The following HBS1L variants were observed in gnomAD, a reference collection of about 807,000 sequenced individuals.
HBS1L encodes the protein HBS1 like translational GTPase.
In HBS1L, 55 loss-of-function variants were observed where a neutral mutation model predicts 88.9. The ratio of observed to expected loss-of-function variants is 0.62; its 90% CI spans 0.50 to 0.77. The LOEUF is 0.77. HBS1L is among the 30% of genes least tolerant of loss of function. The pLI, the probability that HBS1L is intolerant of heterozygous loss-of-function variation, is 0.00. For synonymous variants in HBS1L, 267 were observed against 288.5 expected (o/e 0.93, Z 0.76); for missense variants, 741 against 829.3 (o/e 0.89, Z 1.31).
At chr6:134,997,086 T>C (rs1484498986) in intron 6 of HBS1L, 144 bp from the exon 7 acceptor site, 1 of 701,458 alleles carries the variant, frequency 1.4e-6, no homozygotes, top group Non-Finnish European at 2.3e-6. Flanking sequence ...AAACATCTAA[T>C]AGAAAAAAAA....
At chr6:135,024,624 A>G (rs1776175067) in intron 4 of HBS1L, among the ~76,000 whole-genome samples, 1 of 150,818 alleles carries the variant, frequency 6.6e-6, no homozygotes, top group South Asian at 2.1e-4. Flanking sequence ...CCACAATTTT[A>G]TTACCCAAAT....
intron 15 of HBS1L, among the ~76,000 whole-genome samples, chr6:134,974,131 C>G (rs539146117): frequency 6.6e-6 from 1 of 152,010 alleles, no homozygotes; most frequent in South Asian, 2.1e-4. Flanking sequence ...TAAACACCTC[C>G]GTGCACACAC....
intron 4 of HBS1L, among the ~76,000 whole-genome samples, chr6:135,015,907 C>T (rs1239140017): frequency 1.5e-5 from 2 of 133,834 alleles, no homozygotes; most frequent in African/African-American, 2.9e-5. Flanking sequence ...TTTTTCCAGA[C>T]GGAGTCTTGT....
At chr6:135,050,768 G>A (rs1360502974) in intron 1 of HBS1L, 121 bp from the exon 2 acceptor site, 3 of 635,514 alleles carry the variant, frequency 4.7e-6, no homozygotes, top group Non-Finnish European at 8.2e-6. Context: ...AAGGATCCTA[G>A]AATGTCTATT....
intron 4 of HBS1L, among the ~76,000 whole-genome samples, chr6:135,024,618 AATTTT>A (rs1409444582): frequency 6.6e-6 from 1 of 150,966 alleles, no homozygotes; most frequent in East Asian, 1.9e-4. Context: ...ATTATTCCAC[AATTTT>A]ATTACCCAAA....
chr6:135,023,479 A>ATAG (rs1776134601), intron 4 of HBS1L, among the ~76,000 whole-genome samples: 1 of 152,082 alleles, frequency 6.6e-6, no homozygotes, highest in Admixed American at 6.6e-5. Flanking sequence ...AAAGTATGAT[A>ATAG]ATCATCACCT....
rs752370824 is a variant in HBS1L, at chr6:134,979,161, C to G, written c.1688+17G>C. 3.8e-6 allele frequency: 6 copies of G among 1,588,928 alleles called. No individual in the cohort carries two copies. The South Asian group carries it at 4.4e-5, about 12-fold the overall frequency. Reference sequence around the variant, plus strand: ...TATATGAAGACAACGGTTGCTTAAACTCATTTTCTCACTCACTTGATTTTG... The same window carrying G: ...TATATGAAGACAACGGTTGCTTAAAGTCATTTTCTCACTCACTTGATTTTG... On this transcript the variant is annotated intron_variant, in intron 14 of 17. Coordinates refer to ENST00000367837, the MANE Select transcript of HBS1L (RefSeq NM_006620.4).
At chr6:135,036,574 G>A in intron 4 of HBS1L, 2 of 1,493,234 alleles carry the variant, frequency 1.3e-6, no homozygotes, top group Non-Finnish European at 1.8e-6. Flanking sequence ...TCTAGTAAAT[G>A]CTTTTTTTTG....
At chr6:134,982,730 T>C (rs1462025126) in intron 12 of HBS1L, 168 bp from the exon 13 acceptor site, 2 of 404,302 alleles carry the variant, frequency 4.9e-6, no homozygotes, top group Non-Finnish European at 8.8e-6. Flanking sequence ...CATACCACAC[T>C]TTACTTTTTT....
chr6:134,984,381 T>C (rs1774920121), intron 12 of HBS1L, among the ~76,000 whole-genome samples: 1 of 152,178 alleles, frequency 6.6e-6, no homozygotes, highest in Non-Finnish European at 1.5e-5. Context: ...AGTACTTGCC[T>C]TCAAGGAGTT....
At chr6:134,977,724 T>C (rs1252927932) in intron 15 of HBS1L, among the ~76,000 whole-genome samples, 2 of 151,952 alleles carry the variant, frequency 1.3e-5, no homozygotes, top group Non-Finnish European at 2.9e-5. Flanking sequence ...AACTCTTACT[T>C]TTATTTCAAA....
chr6:135,006,035 T>G (rs1161006743), intron 4 of HBS1L, among the ~76,000 whole-genome samples: 1 of 152,212 alleles, frequency 6.6e-6, no homozygotes, highest in African/African-American at 2.4e-5. Flanking sequence ...GAATTTATAG[T>G]GGAACCTATC....
At chr6:135,040,088 G>C (rs1367130907) in intron 3 of HBS1L, among the ~76,000 whole-genome samples, 1 of 152,144 alleles carries the variant, frequency 6.6e-6, no homozygotes, top group East Asian at 1.9e-4. Flanking sequence ...TATCTGCAAT[G>C]ATCATTTTTT....
At chr6:135,035,459 G>T (rs567019985) in intron 4 of HBS1L, among the ~76,000 whole-genome samples, 2 of 150,224 alleles carry the variant, frequency 1.3e-5, no homozygotes, top group South Asian at 4.2e-4. Flanking sequence ...AATAAGAACA[G>T]GCCGGGTGCA....
At chr6:135,030,642 T>A (rs1776358180) in intron 4 of HBS1L, among the ~76,000 whole-genome samples, 1 of 152,020 alleles carries the variant, frequency 6.6e-6, no homozygotes, top group Non-Finnish European at 1.5e-5. Context: ...TAAAAGCTAA[T>A]GGCCTTTAAG....
chr6:134,983,852 T>C (rs369349728), intron 12 of HBS1L, among the ~76,000 whole-genome samples: 3 of 151,850 alleles, frequency 2.0e-5, no homozygotes, highest in South Asian at 2.1e-4. Context: ...AGAGAAGATA[T>C]AGAGAGGTCA....
At chr6:134,977,463 T>C (rs1276157795) in intron 15 of HBS1L, among the ~76,000 whole-genome samples, 1 of 152,064 alleles carries the variant, frequency 6.6e-6, no homozygotes, top group African/African-American at 2.4e-5. Flanking sequence ...TCTGAATATT[T>C]AAGTATCTTC....
intron 4 of HBS1L, among the ~76,000 whole-genome samples, chr6:135,010,710 C>T (rs2114834021): frequency 6.6e-6 from 1 of 152,080 alleles, no homozygotes; most frequent in Middle Eastern, 3.4e-3. Flanking sequence ...AGAACAAATC[C>T]AATGGGACTA....
chr6:134,977,053 G>C (rs991137782), intron 15 of HBS1L, among the ~76,000 whole-genome samples: 7 of 151,954 alleles, frequency 4.6e-5, no homozygotes, highest in Non-Finnish European at 7.4e-5. Flanking sequence ...AATTTTAATA[G>C]CTTAGGAAAC....
Sources: allele counts gnomAD v4.1 joint callset (sites outside exome capture counted in the v4.1 genomes callset), GRCh38; gene constraint gnomAD v4.1.1; transcripts MANE v1.5; gene names NCBI Gene and HGNC (gene_info 2026-07-23, HGNC 2026-07-21).